The following PARN variants were observed in gnomAD, a reference collection of about 807,000 sequenced individuals.
The protein encoded by PARN is poly(A)-specific ribonuclease.
In PARN, 71 loss-of-function variants were observed where a neutral mutation model predicts 102.8. That is an observed-to-expected ratio of 0.69 (90% CI 0.57 to 0.84). The LOEUF (loss-of-function observed/expected upper bound fraction) is 0.84, where lower values mean the gene tolerates loss of function less well. Ranked by LOEUF, PARN falls within the 40% of genes least tolerant of loss-of-function variation. The pLI is 0.00. For synonymous variants in PARN, 261 were observed against 252.9 expected (o/e 1.03, Z -0.30); for missense variants, 782 against 760.9 (o/e 1.03, Z -0.33).
chr16:14,560,340 G>C (rs1195927967), intron 18 of PARN, among the ~76,000 whole-genome samples: 1 of 152,224 alleles, frequency 6.6e-6, no homozygotes, highest in African/African-American at 2.4e-5. Flanking sequence ...TTTTAGCAAA[G>C]ATCCGAGAGG....
chr16:14,532,231 T>C (rs1966381166), intron 21 of PARN, among the ~76,000 whole-genome samples: 1 of 150,840 alleles, frequency 6.6e-6, no homozygotes, highest in Non-Finnish European at 1.5e-5. Context: ...CAGAGGGGGA[T>C]TTGGCAGGGT....
intron 21 of PARN, among the ~76,000 whole-genome samples, chr16:14,522,687 A>G (rs929292307): frequency 6.6e-6 from 1 of 152,164 alleles, no homozygotes; most frequent in Non-Finnish European, 1.5e-5. Context: ...TGGCACAGGA[A>G]GCTGGAACAA....
chr16:14,485,214 T>C (rs1335544134), intron 21 of PARN, among the ~76,000 whole-genome samples: 2 of 152,228 alleles, frequency 1.3e-5, no homozygotes, highest in African/African-American at 4.8e-5. Flanking sequence ...GTAAAGTTAC[T>C]CATATCAGAG....
Position 14,580,877 on chromosome 16 carries a change from T to C in PARN, c.1259A>G (p.Asn420Ser), listed in dbSNP as rs762081913. Reference sequence around the variant, plus strand: ...CTGGAACTCTCTGATTACTTACTTGTTAAAAAAAGGTTCAATGAGTTTTGA... The same window carrying C: ...CTGGAACTCTCTGATTACTTACTTGCTAAAAAAAGGTTCAATGAGTTTTGA... ...ARSKLIEPFF[N>S]KLFLMRVMDI... Residue 420 changes from asparagine (N) to serine (S), a missense_variant, in exon 18 of 24, where the codon AAC becomes AGC. Transcript: ENST00000437198. 1.3e-6 allele frequency: 2 copies of C among 1,594,238 alleles called. No individual in the cohort carries two copies. The highest frequency in any genetic ancestry group is 2.2e-5 in the South Asian group (2 of 90,516).
intron 5 of PARN, among the ~76,000 whole-genome samples, chr16:14,622,150 G>A (rs1171883079): frequency 1.3e-5 from 2 of 152,112 alleles, no homozygotes; most frequent in Admixed American, 1.3e-4. Context: ...CCAAGATAGT[G>A]CCACTGCACT....
intron 21 of PARN, among the ~76,000 whole-genome samples, chr16:14,550,582 G>A (rs75279663): frequency 0.043 from 6,537 of 152,222 alleles, 152 homozygotes; most frequent in African/African-American, 0.054. Flanking sequence ...CCCCTCTACA[G>A]CATGGCCTGG....
intron 21 of PARN, among the ~76,000 whole-genome samples, chr16:14,498,997 A>C (rs1292028086): frequency 6.6e-6 from 1 of 152,218 alleles, no homozygotes; most frequent in African/African-American, 2.4e-5. Context: ...CTGAGTAAGA[A>C]TTGTTTTGAT....
intron 21 of PARN, among the ~76,000 whole-genome samples, chr16:14,544,506 T>C (rs960187330): frequency 2.0e-5 from 3 of 152,062 alleles, no homozygotes; most frequent in Non-Finnish European, 4.4e-5. Flanking sequence ...AGCCAGGAGG[T>C]GGAGGTTGCA....
Position 14,444,921 on chromosome 16 carries a change from C to T in PARN, c.1864+1967G>A, listed in dbSNP as rs185835754. On this transcript the variant is annotated intron_variant, in intron 23 of 23. Transcript: ENST00000437198. ...TGCAGTCAAAACTCCTGGGCTCAAG[C>T]GATCCTCCCGATTCAGCCTCCTGAG... Among the ~76,000 whole-genome samples, 231 of 152,032 alleles carry T rather than the reference C, an allele frequency of 1.5e-3. 1 individual carries two copies. The highest frequency in any genetic ancestry group is 1.7e-3 in the Non-Finnish European group (118 of 68,002).
chr16:14,612,038 T>C (rs1271597339), intron 6 of PARN, among the ~76,000 whole-genome samples: 1 of 152,156 alleles, frequency 6.6e-6, no homozygotes, highest in Admixed American at 6.5e-5. Context: ...TTTGTAACCC[T>C]GGTGTAGAGA....
rs1328931598 is a variant in PARN, at chr16:14,548,247, C to CA, written c.1480+3773dup. On this transcript the variant is annotated intron_variant, in intron 21 of 23. Coordinates refer to ENST00000437198, the MANE Select transcript of PARN (RefSeq NM_002582.4). ...TGGGTGACAGAGCAAGACTCCGTCT[C>CA]AAAAAAAAAAAAAAATTAATAGGAT... Among the ~76,000 whole-genome samples, 1,143 of 121,970 alleles carry CA rather than the reference C, an allele frequency of 9.4e-3. 9 individuals are homozygous for CA. Among genetic ancestry groups the CA allele is most frequent in the Non-Finnish European group, 0.012 (671 of 57,068 alleles). The allele number at this position is 121,970 out of a possible 152,430, so 80.0% of individuals were successfully genotyped here.
chr16:14,593,228 A>C, intron 13 of PARN, 73 bp downstream of exon 13: 5 of 834,706 alleles, frequency 6.0e-6, no homozygotes, highest in Non-Finnish European at 1.0e-5. Context: ...GTTCAGTTAA[A>C]AGCATCATAA....
chr16:14,504,214 T>C (rs1465627737), intron 21 of PARN, among the ~76,000 whole-genome samples: 1 of 152,200 alleles, frequency 6.6e-6, no homozygotes, highest in Non-Finnish European at 1.5e-5. Context: ...AAATGTTTAA[T>C]AGTAGGAGAA....
intron 23 of PARN, among the ~76,000 whole-genome samples, chr16:14,438,851 T>G (rs1459854968): frequency 6.6e-6 from 1 of 152,124 alleles, no homozygotes; most frequent in Admixed American, 6.5e-5. Context: ...GTAGGAGCCA[T>G]CTACAGGAGA....
chr16:14,618,081 G>A (rs1972039392), intron 5 of PARN, among the ~76,000 whole-genome samples: 1 of 152,160 alleles, frequency 6.6e-6, no homozygotes, highest in South Asian at 2.1e-4. Flanking sequence ...CAGCACTTTG[G>A]GAGGCAGAGG....
At chr16:14,590,392 T>TG (rs1970120264) in intron 13 of PARN, among the ~76,000 whole-genome samples, 1 of 151,540 alleles carries the variant, frequency 6.6e-6, no homozygotes, top group African/African-American at 2.4e-5. Context: ...CCCAGAACTT[T>TG]GGGAGGCGGA....
chr16:14,536,965 G>A (rs902043041), intron 21 of PARN, among the ~76,000 whole-genome samples: 1 of 152,138 alleles, frequency 6.6e-6, no homozygotes, highest in Non-Finnish European at 1.5e-5. Flanking sequence ...AAACTGAAAT[G>A]CTTCTGCACA....
intron 21 of PARN, among the ~76,000 whole-genome samples, chr16:14,512,116 T>C (rs559751131): frequency 4.6e-5 from 7 of 152,342 alleles, no homozygotes; most frequent in Middle Eastern, 3.4e-3. Flanking sequence ...AAAGTCAGTA[T>C]GACAAAGAAT....
chr16:14,457,947 TGAGA>T (rs909541843), intron 22 of PARN, among the ~76,000 whole-genome samples: 29 of 150,376 alleles, frequency 1.9e-4, no homozygotes, highest in East Asian at 7.8e-4. Context: ...TGTGTGTGTG[TGAGA>T]GAGAGAGACA....
Sources: allele counts gnomAD v4.1 joint callset (sites outside exome capture counted in the v4.1 genomes callset), GRCh38; gene constraint gnomAD v4.1.1; transcripts MANE v1.5; gene names NCBI Gene and HGNC (gene_info 2026-07-23, HGNC 2026-07-21).